The following SPP2 variants were observed in gnomAD, a reference collection of about 807,000 sequenced individuals.
SPP2 encodes secreted phosphoprotein 2.
SPP2 carries 34 observed loss-of-function variants against 28.8 expected under a neutral mutation model. The ratio of observed to expected loss-of-function variants is 1.18; its 90% CI spans 0.90 to 1.57. The LOEUF (loss-of-function observed/expected upper bound fraction) is 1.57. Ranked by LOEUF, SPP2 falls within the 40% of genes most tolerant of loss-of-function variation. The pLI is 0.00. For missense variants in SPP2, 269 were observed against 263.9 expected (o/e 1.02, Z -0.13); for synonymous variants, 96 against 89.4 (o/e 1.07, Z -0.42).
chr2:234,056,273 C>T (rs1409764569), intron 2 of SPP2: 1 of 152,150 alleles, frequency 6.6e-6, no homozygotes, highest in Middle Eastern at 3.2e-3. Context: ...TGAACAGACA[C>T]TTCTCAAAAG....
chr2:234,064,646 C>T (rs1693782596), intron 4 of SPP2, among the ~76,000 whole-genome samples: 1 of 152,144 alleles, frequency 6.6e-6, no homozygotes, highest in Non-Finnish European at 1.5e-5. Flanking sequence ...TCACAACTGC[C>T]ACCACCATTT....
intron 7 of SPP2, among the ~76,000 whole-genome samples, chr2:234,072,586 G>A (rs1459981943): frequency 6.6e-6 from 1 of 152,174 alleles, no homozygotes; most frequent in Non-Finnish European, 1.5e-5. Flanking sequence ...AAAGACAGCT[G>A]CAGCCCTGAC....
Position 234,067,224 on chromosome 2 carries a change from G to A in SPP2, c.500G>A (p.Gly167Asp). ...SHKWRNNYLF[G>D]LISDESISEQ... ...TCTTATGATTATTACTGTGTTACAGGTCTCATTTCAGACGAGTCCATAAGT... is the reference window on the plus strand; with the variant it reads ...TCTTATGATTATTACTGTGTTACAGATCTCATTTCAGACGAGTCCATAAGT... Residue 167 changes from glycine to aspartate, a missense_variant and splice_region_variant, in exon 6 of 8, where the codon GGT becomes GAT. By Grantham distance (94) the Gly-to-Asp change is moderately conservative (BLOSUM62 -1). Transcript: ENST00000168148. 6.2e-7 allele frequency: 1 copy of A among 1,613,722 alleles called. No individual in the cohort carries two copies. The highest frequency in any genetic ancestry group is 8.5e-7 in the Non-Finnish European group (1 of 1,179,712).
intron 6 of SPP2, among the ~76,000 whole-genome samples, chr2:234,068,311 A>G (rs565509317): frequency 6.6e-6 from 1 of 152,314 alleles, no homozygotes; most frequent in Admixed American, 6.5e-5. Flanking sequence ...TAGGTGAGCT[A>G]ACTGAGGCTT....
intron 7 of SPP2, among the ~76,000 whole-genome samples, chr2:234,074,094 CAG>C (rs1253476915): frequency 9.2e-5 from 14 of 152,128 alleles, no homozygotes. Flanking sequence ...CCCCTGCCCT[CAG>C]AGATAATGTT....
intron 4 of SPP2, among the ~76,000 whole-genome samples, chr2:234,063,268 A>G (rs1353438586): frequency 6.6e-6 from 1 of 152,070 alleles, no homozygotes; most frequent in Non-Finnish European, 1.5e-5. Flanking sequence ...AATAAAACTG[A>G]AAAAAACTCC....
intron 7 of SPP2, among the ~76,000 whole-genome samples, chr2:234,071,654 A>C (rs1229234641): frequency 6.6e-6 from 1 of 152,208 alleles, no homozygotes; most frequent in African/African-American, 2.4e-5. Flanking sequence ...ATAACACTGC[A>C]TGCTTTCAGG....
At chr2:234,066,672 G>C in intron 5 of SPP2, 85 bp downstream of exon 5, 1 of 980,464 alleles carries the variant, frequency 1.0e-6, no homozygotes, top group Non-Finnish European at 1.6e-6. Flanking sequence ...TTTAAAACTA[G>C]AAATACATAT....
At chr2:234,051,215 T>G in intron 2 of SPP2, 120 bp downstream of exon 2, 1 of 1,281,202 alleles carries the variant, frequency 7.8e-7, no homozygotes, top group Non-Finnish European at 1.1e-6. Context: ...GCTAGTCATC[T>G]CTTTCATACT....
At chr2:234,069,891 G>T in intron 6 of SPP2, 37 bp from the exon 7 acceptor site, 1 of 1,506,986 alleles carries the variant, frequency 6.6e-7, no homozygotes, top group South Asian at 1.1e-5. Context: ...ATCTTGATGT[G>T]ACTGACAGAG....
chr2:234,067,112 T>C, intron 5 of SPP2, 112 bp from the exon 6 acceptor site: 2 of 1,026,066 alleles, frequency 1.9e-6, no homozygotes, highest in South Asian at 2.6e-5. Flanking sequence ...TCAATGGTGA[T>C]CTCTCACTGC....
intron 7 of SPP2, among the ~76,000 whole-genome samples, chr2:234,074,154 C>G (rs1193320197): frequency 6.6e-6 from 1 of 152,136 alleles, no homozygotes; most frequent in Non-Finnish European, 1.5e-5. Flanking sequence ...AAAGCCTCTT[C>G]CCTTTTCCTC....
intron 3 of SPP2, among the ~76,000 whole-genome samples, chr2:234,059,886 C>T (rs1458154639): frequency 6.6e-6 from 1 of 152,058 alleles, no homozygotes; most frequent in African/African-American, 2.4e-5. Flanking sequence ...AAAGTGTTTG[C>T]ATTCTGAGGT....
chr2:234,052,807 C>A (rs140197110), intron 2 of SPP2, among the ~76,000 whole-genome samples: 1,759 of 152,288 alleles, frequency 0.012, 18 homozygotes, highest in Middle Eastern at 0.051. Flanking sequence ...TTTCTTCTCC[C>A]ACTGGAAGGG....
chr2:234,060,290 A>AT (rs1693692053), intron 3 of SPP2, 79 bp from the exon 4 acceptor site: 2 of 948,338 alleles, frequency 2.1e-6, no homozygotes, highest in Non-Finnish European at 3.3e-6. Context: ...CCTGACATTT[A>AT]TTTTCCTGAT....
chr2:234,050,985 G>A lies in SPP2; in HGVS notation c.100G>A (p.Asp34Asn), dbSNP rs761181418. The A allele has an allele frequency of 1.2e-5, 20 of 1,613,882 alleles. No individual in the cohort carries two copies. Among genetic ancestry groups the A allele is most frequent in the South Asian group, 7.7e-5 (7 of 91,066 alleles). ...TGCGTGTCCAGGTTTCCCAGTGTAC[G>A]ACTACGATCCATCCTCCTTAAGGGA... ...YWSCSGFPVYDYDPSSLRDAL... is the reference protein window; with the variant it reads ...YWSCSGFPVYNYDPSSLRDAL... Residue 34 changes from aspartate to asparagine, a missense_variant, in exon 2 of 8, where the codon GAC becomes AAC. Asp to Asn is a conservative substitution (Grantham distance 23). Coordinates refer to ENST00000168148, the MANE Select transcript of SPP2 (RefSeq NM_006944.3).
At chr2:234,076,127 T>C (rs1690888928) in intron 7 of SPP2, among the ~76,000 whole-genome samples, 1 of 152,186 alleles carries the variant, frequency 6.6e-6, no homozygotes, top group African/African-American at 2.4e-5. Context: ...CTTGCTGTGC[T>C]GGAGGATGGG....
At chr2:234,064,613 C>A (rs561182976) in intron 4 of SPP2, among the ~76,000 whole-genome samples, 2 of 152,210 alleles carry the variant, frequency 1.3e-5, no homozygotes, top group South Asian at 4.2e-4. Flanking sequence ...TTAATATGTA[C>A]AGTTCAGTGG....
intron 2 of SPP2, among the ~76,000 whole-genome samples, chr2:234,058,093 C>T (rs927819652): frequency 6.6e-6 from 1 of 152,124 alleles, no homozygotes; most frequent in African/African-American, 2.4e-5. Flanking sequence ...CTTAAAGATG[C>T]TTAAATTAAT....
Sources: allele counts gnomAD v4.1 joint callset (sites outside exome capture counted in the v4.1 genomes callset), GRCh38; gene constraint gnomAD v4.1.1; transcripts MANE v1.5; gene names NCBI Gene and HGNC (gene_info 2026-07-23, HGNC 2026-07-21).